HSD17B4: variants seen among roughly 807,000 people sequenced by gnomAD.
HSD17B4 encodes peroxisomal multifunctional enzyme type 2.
Under a neutral mutation model 101.0 loss-of-function variants are expected in HSD17B4, and 70 were observed. That is an observed-to-expected ratio of 0.69 (90% CI 0.57 to 0.85). The LOEUF (loss-of-function observed/expected upper bound fraction) is 0.85, where lower values mean the gene tolerates loss of function less well. HSD17B4 is among the 40% of genes least tolerant of loss of function. The pLI is 0.00. For missense variants in HSD17B4, 984 were observed against 892.4 expected (o/e 1.10, Z -1.31); for synonymous variants, 347 against 297.1 (o/e 1.17, Z -1.73).
intron 19 of HSD17B4, among the ~76,000 whole-genome samples, chr5:119,526,277 A>G (rs562471013): frequency 1.3e-4 from 10 of 79,318 alleles, no homozygotes; most frequent in Non-Finnish European, 2.2e-4. Context: ...AATTAGGTGC[A>G]TATATTATAT....
intron 14 of HSD17B4, among the ~76,000 whole-genome samples, chr5:119,504,829 T>C (rs1409293178): frequency 3.9e-5 from 6 of 152,166 alleles, no homozygotes; most frequent in African/African-American, 1.4e-4. Flanking sequence ...TTCCTAAGGC[T>C]GATGTCCAGG....
intron 2 of HSD17B4, among the ~76,000 whole-genome samples, chr5:119,461,814 G>A (rs905758158): frequency 6.6e-6 from 1 of 152,040 alleles, no homozygotes; most frequent in Non-Finnish European, 1.5e-5. Context: ...GAGCCTGGGA[G>A]TTTGAGACTT....
intron 12 of HSD17B4, among the ~76,000 whole-genome samples, chr5:119,497,158 A>G (rs1337540494): frequency 6.6e-6 from 1 of 151,880 alleles, no homozygotes; most frequent in African/African-American, 2.4e-5. Flanking sequence ...CTTATCATGA[A>G]CTTTTTAGAG....
At chr5:119,502,000 C>G (rs1751210464) in intron 13 of HSD17B4, 41 bp from the exon 14 acceptor site, 1 of 1,268,318 alleles carries the variant, frequency 7.9e-7, no homozygotes. Context: ...ACCTGTGGAG[C>G]AAGAAAGTTT....
intron 2 of HSD17B4, among the ~76,000 whole-genome samples, chr5:119,460,891 C>T (rs1022350761): frequency 3.9e-5 from 6 of 152,144 alleles, no homozygotes; most frequent in Non-Finnish European, 8.8e-5. Flanking sequence ...GATCTGCTGT[C>T]GCGGCATCCC....
chr5:119,493,509 A>T (rs1750305455), intron 10 of HSD17B4: 1 of 304,080 alleles, frequency 3.3e-6, no homozygotes, highest in Admixed American at 4.7e-5. Context: ...TCATGAAGTC[A>T]GTCTTTTGAT....
chr5:119,536,289 A>T, intron 22 of HSD17B4, 134 bp from the exon 23 acceptor site: 1 of 787,986 alleles, frequency 1.3e-6, no homozygotes, highest in Non-Finnish European at 2.2e-6. Context: ...TATAATTGAT[A>T]GATAGAATAT....
At chr5:119,524,979 T>G (rs1016106165) in intron 17 of HSD17B4, among the ~76,000 whole-genome samples, 1 of 152,160 alleles carries the variant, frequency 6.6e-6, no homozygotes, top group Admixed American at 6.6e-5. Flanking sequence ...TACCTAAATA[T>G]AATTCTTGGC....
chr5:119,515,001 T>C lies in HSD17B4; in HGVS notation c.1458T>C (p.Asn486=), dbSNP rs768321001. The change falls in exon 17 of 24, where the codon AAT becomes AAC. Residue 486 remains asparagine, a synonymous_variant. Transcript: ENST00000510025. ...DKVKVAVAIP[N]RPPDAVLTDT... is the part of the protein sequence containing the mutation. Reference sequence around the variant, plus strand: ...TTTAGGTAGCTGTAGCCATACCTAATAGACCTCCTGATGCTGTACTTACAG... The same window carrying C: ...TTTAGGTAGCTGTAGCCATACCTAACAGACCTCCTGATGCTGTACTTACAG... 3 of 1,578,304 alleles carry C rather than the reference T, an allele frequency of 1.9e-6. No homozygotes were observed. Among genetic ancestry groups the C allele is most frequent in the African/African-American group, 2.7e-5 (2 of 74,328 alleles).
chr5:119,473,061 A>G (rs917925408), intron 2 of HSD17B4, among the ~76,000 whole-genome samples: 5 of 151,892 alleles, frequency 3.3e-5, no homozygotes, highest in South Asian at 4.2e-4. Context: ...CATCTTAGCT[A>G]TTGTGAATTG....
chr5:119,509,385 C>T (rs897721191), intron 16 of HSD17B4, 141 bp downstream of exon 16: 1 of 726,112 alleles, frequency 1.4e-6, no homozygotes, highest in Non-Finnish European at 2.5e-6. Flanking sequence ...CCCTGGGACA[C>T]CAAGACCAGT....
At chr5:119,520,606 G>A (rs530534059) in intron 17 of HSD17B4, among the ~76,000 whole-genome samples, 2 of 152,266 alleles carry the variant, frequency 1.3e-5, no homozygotes, top group African/African-American at 4.8e-5. Context: ...AACTCATCTT[G>A]TTTGTTTCTT....
intron 22 of HSD17B4, chr5:119,535,860 A>G (rs1754486960): frequency 6.5e-6 from 1 of 154,514 alleles, no homozygotes; most frequent in Non-Finnish European, 1.4e-5. Context: ...TTTCTCCTGT[A>G]GTGACCCTTT....
At chr5:119,507,476 A>G (rs1046086413) in intron 15 of HSD17B4, among the ~76,000 whole-genome samples, 1 of 152,220 alleles carries the variant, frequency 6.6e-6, no homozygotes, top group Admixed American at 6.5e-5. Context: ...AGGTGAAGAT[A>G]TGATGCTTAA....
At chr5:119,459,469 A>G (rs989813734) in intron 2 of HSD17B4, among the ~76,000 whole-genome samples, 4 of 152,184 alleles carry the variant, frequency 2.6e-5, no homozygotes, top group Non-Finnish European at 5.9e-5. Flanking sequence ...GCCCCCTTAT[A>G]CATGTTTCTC....
chr5:119,513,376 C>A (rs1475991326), intron 16 of HSD17B4, among the ~76,000 whole-genome samples: 1 of 151,946 alleles, frequency 6.6e-6, no homozygotes, highest in Non-Finnish European at 1.5e-5. Context: ...ACTGTATGTT[C>A]TTTTTCTTTG....
At chr5:119,478,032 A>T (rs1462104387) in intron 7 of HSD17B4, 1 of 166,486 alleles carries the variant, frequency 6.0e-6, no homozygotes, top group Non-Finnish European at 1.3e-5. Context: ...AAGATAGTAT[A>T]CACATTGAGG....
intron 16 of HSD17B4, 115 bp downstream of exon 16, chr5:119,509,359 C>T: frequency 1.3e-6 from 1 of 768,278 alleles, no homozygotes. Context: ...GGCAAATTTT[C>T]TTATACATCT....
At chr5:119,454,340 T>A (rs563770727) in intron 1 of HSD17B4, among the ~76,000 whole-genome samples, 1 of 151,662 alleles carries the variant, frequency 6.6e-6, no homozygotes, top group Admixed American at 6.6e-5. Context: ...AAGGTTTTAC[T>A]CTGTACCCAG....
Sources: allele counts gnomAD v4.1 joint callset (sites outside exome capture counted in the v4.1 genomes callset), GRCh38; gene constraint gnomAD v4.1.1; transcripts MANE v1.5; gene names NCBI Gene and HGNC (gene_info 2026-07-23, HGNC 2026-07-21).